Variants in CEP128 observed in about 807,000 individuals in gnomAD.
CEP128 encodes centrosomal protein 128kDa.
A neutral mutation model predicts 156.7 loss-of-function variants in CEP128; 132 were observed. The observed-to-expected ratio is 0.84, with a 90% CI of 0.73 to 0.97. CEP128 has a LOEUF of 0.97. Among genes scored for constraint, CEP128 ranks in the 50% least tolerant of loss-of-function variants. The pLI is 0.00. For synonymous variants in CEP128, 469 were observed against 448.9 expected, an observed-to-expected ratio of 1.04 and a Z score of -0.57; for missense variants, 1,252 against 1,281.9, an observed-to-expected ratio of 0.98 and a Z score of 0.36.
At chr14:80,481,065 C>T (rs1002161985) in intron 14 of CEP128, among the ~76,000 whole-genome samples, 2 of 152,180 alleles carry the variant, frequency 1.3e-5, no homozygotes. Flanking sequence ...GTTCCAAAGT[C>T]GCTTCCACAT....
chr14:80,645,796 T>C (rs893104263), intron 19 of CEP128, among the ~76,000 whole-genome samples: 1 of 152,156 alleles, frequency 6.6e-6, no homozygotes, highest in African/African-American at 2.4e-5. Flanking sequence ...TTATTCATAA[T>C]TGCCCAAACT....
Position 80,635,125 on chromosome 14 carries a change from A to C in CEP128, c.2807-54702T>G, listed in dbSNP as rs551076415. ...GGCCTGCTCGTTCTAGCTACCTATA[A>C]TGCCTGCTTCTCAAGAGCCTTATAG... On this transcript the variant is annotated intron_variant, in intron 19 of 24. Transcript: ENST00000555265. 3.3e-5 allele frequency among the ~76,000 whole-genome samples: 5 copies of C among 152,262 alleles called. No individual in the cohort carries two copies. In the East Asian group the frequency reaches 9.6e-4, roughly 29 times the overall value.
chr14:80,721,384 A>G (rs1897810701), intron 19 of CEP128, among the ~76,000 whole-genome samples: 1 of 152,202 alleles, frequency 6.6e-6, no homozygotes, highest in East Asian at 1.9e-4. Context: ...CATGAGCCAC[A>G]TATGACTATT....
chr14:80,707,804 T>C (rs924871788), intron 19 of CEP128, among the ~76,000 whole-genome samples: 2 of 152,180 alleles, frequency 1.3e-5, no homozygotes, highest in African/African-American at 2.4e-5. Flanking sequence ...CAAGAAAATA[T>C]GTTTTTTAAA....
Position 80,530,793 on chromosome 14 carries a change from G to A in CEP128, c.2958+16C>T. ...TCAGATAAAATACTGAAAGAGACAA[G>A]CCAACTCTTTCTCACTCTGAAGTCT... On this transcript the variant is annotated intron_variant, in intron 22 of 24. Transcript: ENST00000555265. 1 of 1,568,000 alleles carries A rather than the reference G, an allele frequency of 6.4e-7. No individual in the cohort carries two copies.
intron 21 of CEP128, among the ~76,000 whole-genome samples, chr14:80,558,738 A>G (rs12435900): frequency 0.15 from 23,008 of 152,212 alleles, 1,846 homozygotes; most frequent in South Asian, 0.23. Context: ...TAATTTTTCA[A>G]TGAATATTGT....
At chr14:80,955,892 G>A (rs768805145) in intron 2 of CEP128, 25 of 1,613,558 alleles carry the variant, frequency 1.5e-5, no homozygotes, top group Non-Finnish European at 2.0e-5. Flanking sequence ...CAGAGATCAA[G>A]GGCATCTGCA....
At chr14:80,542,911 C>G (rs547564934) in intron 21 of CEP128, among the ~76,000 whole-genome samples, 14 of 152,282 alleles carry the variant, frequency 9.2e-5, no homozygotes, top group African/African-American at 3.4e-4. Context: ...CATAATTAAT[C>G]TTCTCTGTCC....
rs543472293 is a variant in CEP128, at chr14:80,605,476, T to C, written c.2807-25053A>G. 6.6e-5 allele frequency among the ~76,000 whole-genome samples: 10 copies of C among 152,200 alleles called. No individual in the cohort carries two copies. In the South Asian group the frequency reaches 2.1e-3, roughly 31 times the overall value. ...TTCTACACCCAGGATAAATACACTTTAGATAATTGCAAATCTTCCCTTTTT... is the reference window on the plus strand; with the variant it reads ...TTCTACACCCAGGATAAATACACTTCAGATAATTGCAAATCTTCCCTTTTT... On this transcript the variant is annotated intron_variant, in intron 19 of 24. Transcript: ENST00000555265.
At chr14:80,655,268 C>A (rs1293987410) in intron 19 of CEP128, among the ~76,000 whole-genome samples, 1 of 152,172 alleles carries the variant, frequency 6.6e-6, no homozygotes, top group Non-Finnish European at 1.5e-5. Flanking sequence ...CTATTTATAT[C>A]TATCCATCCA....
intron 13 of CEP128, among the ~76,000 whole-genome samples, chr14:80,814,064 A>G (rs1884710307): frequency 6.6e-6 from 1 of 152,192 alleles, no homozygotes; most frequent in Non-Finnish European, 1.5e-5. Context: ...CTTTTAAGGT[A>G]ACACGTCTCC....
At chr14:80,840,885 C>A (rs1018743093) in intron 9 of CEP128, 117 bp from the exon 10 acceptor site, 18 of 656,938 alleles carry the variant, frequency 2.7e-5, no homozygotes, top group African/African-American at 2.5e-4. Flanking sequence ...TACACAAAAT[C>A]TATAAATTAC....
chr14:80,811,020 T>C (rs1053891307), intron 13 of CEP128, among the ~76,000 whole-genome samples: 1 of 152,280 alleles, frequency 6.6e-6, no homozygotes, highest in Non-Finnish European at 1.5e-5. Flanking sequence ...TTCCCAATCA[T>C]AAGTGAGAAT....
intron 7 of CEP128, among the ~76,000 whole-genome samples, chr14:80,897,859 C>T (rs1017077647): frequency 1.3e-5 from 2 of 152,134 alleles, no homozygotes; most frequent in African/African-American, 4.8e-5. Context: ...CTCAATGCAG[C>T]TTCAACCTCC....
chr14:80,796,346 G>C (rs1461396841), intron 13 of CEP128, among the ~76,000 whole-genome samples: 1 of 152,086 alleles, frequency 6.6e-6, no homozygotes, highest in Non-Finnish European at 1.5e-5. Context: ...TGTAATCCCA[G>C]CTACTCAGGA....
intron 19 of CEP128, among the ~76,000 whole-genome samples, chr14:80,711,862 T>A (rs1332834981): frequency 6.6e-6 from 1 of 152,066 alleles, no homozygotes; most frequent in Non-Finnish European, 1.5e-5. Flanking sequence ...AAAATTTTTT[T>A]AAATTAAAAA....
At chr14:80,870,645 C>T (rs1357995366) in intron 8 of CEP128, among the ~76,000 whole-genome samples, 1 of 151,932 alleles carries the variant, frequency 6.6e-6, no homozygotes, top group Non-Finnish European at 1.5e-5. Context: ...ACATAGTACT[C>T]AACAGTAAAA....
At position 80,483,549 on chromosome 14, in the gene CEP128, C is replaced by T. The variant is rs148636503; in HGVS notation, c.*311-5142G>A. Among the ~76,000 whole-genome samples, 8 of 152,292 alleles carry T rather than the reference C, an allele frequency of 5.3e-5. No individual in the cohort carries two copies. The East Asian group carries it at 1.5e-3, about 29-fold the overall frequency. On this transcript the variant is annotated intron_variant and NMD_transcript_variant, in intron 14 of 14. Coordinates refer to the CEP128 transcript ENST00000554502. ...ACGGCGATGTGAATTTAAATGAATA[C>T]AGTCAAGCTAGTGGTTCTGTGAAGT... is the stretch of plus-strand genomic sequence containing the variant.
At chr14:80,636,289 C>T (rs61979379) in intron 19 of CEP128, among the ~76,000 whole-genome samples, 17,619 of 152,104 alleles carry the variant, frequency 0.12, 1,396 homozygotes, top group East Asian at 0.34. Flanking sequence ...GACTACTGCC[C>T]CCTAGCCTAA....
Sources: gnomAD v4.1 joint callset for allele counts (sites outside exome capture counted in the v4.1 genomes callset) on GRCh38, gnomAD v4.1.1 for gene constraint, MANE v1.5 for transcripts, NCBI Gene and HGNC (gene_info 2026-07-23, HGNC 2026-07-21) for gene names.